PPP1R12A: variants seen among roughly 807,000 people sequenced by gnomAD.
PPP1R12A encodes the protein protein phosphatase 1 regulatory subunit 12A, also known as myosin binding subunit.
A neutral mutation model predicts 139.6 loss-of-function variants in PPP1R12A; 19 were observed. That is an observed-to-expected ratio of 0.14 (90% confidence interval 0.09 to 0.20). PPP1R12A has a LOEUF of 0.20. PPP1R12A is among the 10% of genes least tolerant of loss of function. The pLI, the probability that PPP1R12A is intolerant of heterozygous loss-of-function variation, is 1.00. For synonymous variants in PPP1R12A, 427 were observed against 420.6 expected, an observed-to-expected ratio of 1.02 and a Z score of -0.19; for missense variants, 925 against 1,211.5, an observed-to-expected ratio of 0.76 and a Z score of 3.51.
intron 2 of PPP1R12A, among the ~76,000 whole-genome samples, chr12:79,870,803 A>C (rs1188386438): frequency 6.6e-6 from 1 of 152,216 alleles, no homozygotes; most frequent in Non-Finnish European, 1.5e-5. Flanking sequence ...TACTTCTTAT[A>C]TACTAGCATG....
At chr12:79,813,945 A>G (rs998871245) in intron 9 of PPP1R12A, among the ~76,000 whole-genome samples, 16 of 152,198 alleles carry the variant, frequency 1.1e-4, no homozygotes, top group African/African-American at 3.9e-4. Flanking sequence ...GAACTTGATA[A>G]CTTTATCTAA....
intron 3 of PPP1R12A, among the ~76,000 whole-genome samples, chr12:79,835,616 C>A (rs150896631): frequency 6.6e-6 from 1 of 152,310 alleles, no homozygotes; most frequent in African/African-American, 2.4e-5. Context: ...TCTAATTCAT[C>A]CCTCAATCTA....
At chr12:79,813,889 A>G (rs918825979) in intron 9 of PPP1R12A, among the ~76,000 whole-genome samples, 2 of 152,208 alleles carry the variant, frequency 1.3e-5, no homozygotes, top group African/African-American at 4.8e-5. Flanking sequence ...TGCCATGAAC[A>G]CAAGTGCACA....
intron 2 of PPP1R12A, among the ~76,000 whole-genome samples, chr12:79,847,126 C>T (rs1879510065): frequency 6.6e-6 from 1 of 152,092 alleles, no homozygotes; most frequent in African/African-American, 2.4e-5. Context: ...ACACTATCAA[C>T]AGTAGGGCAA....
At chr12:79,925,069 A>C (rs914986255) in intron 1 of PPP1R12A, among the ~76,000 whole-genome samples, 7 of 152,128 alleles carry the variant, frequency 4.6e-5, no homozygotes, top group Admixed American at 2.6e-4. Flanking sequence ...AGAAAAAAAA[A>C]CTCTCAACAC....
intron 3 of PPP1R12A, among the ~76,000 whole-genome samples, chr12:79,836,494 T>C (rs1221529741): frequency 1.3e-5 from 2 of 152,178 alleles, no homozygotes; most frequent in Admixed American, 1.3e-4. Flanking sequence ...GCTATCTTTA[T>C]CTAATGACAA....
intron 14 of PPP1R12A, among the ~76,000 whole-genome samples, chr12:79,802,613 T>C (rs1873326283): frequency 6.6e-6 from 1 of 152,008 alleles, no homozygotes; most frequent in Non-Finnish European, 1.5e-5. Context: ...CAAGACTCCA[T>C]CTCTACAAAA....
chr12:79,889,413 G>A lies in PPP1R12A; in HGVS notation c.238-16475C>T, dbSNP rs77832343. ...GTGATAGAAAAGACAACAAAATCCA[G>A]GCTCTGAGCTGCTCCCCACTGGGTT... On this transcript the variant is annotated intron_variant, in intron 1 of 24. Transcript: ENST00000450142. Among the ~76,000 whole-genome samples, 1,299 of 152,222 alleles carry A rather than the reference G, an allele frequency of 8.5e-3. 18 individuals carry two copies. Among genetic ancestry groups the A allele is most frequent in the African/African-American group, 0.029 (1,199 of 41,526 alleles).
chr12:79,832,284 AAAG>A (rs1234320402), intron 4 of PPP1R12A, 45 bp downstream of exon 4: 1 of 1,515,210 alleles, frequency 6.6e-7, no homozygotes, highest in African/African-American at 1.4e-5. Flanking sequence ...AACAATGAAT[AAAG>A]AAGACAAACT....
chr12:79,854,923 T>G (rs1020396411), intron 2 of PPP1R12A, among the ~76,000 whole-genome samples: 2 of 152,128 alleles, frequency 1.3e-5, no homozygotes, highest in African/African-American at 4.8e-5. Flanking sequence ...TCCTCCCACC[T>G]AGGCCTCTCA....
intron 20 of PPP1R12A, chr12:79,789,796 A>T (rs1871591530): frequency 4.8e-4 from 153 of 317,566 alleles, no homozygotes; most frequent in East Asian, 1.2e-3. Context: ...TTTTTTTTTT[A>T]AAGACACAGG....
At chr12:79,891,878 C>T (rs1884677989) in intron 1 of PPP1R12A, among the ~76,000 whole-genome samples, 1 of 152,266 alleles carries the variant, frequency 6.6e-6, no homozygotes, top group East Asian at 1.9e-4. Flanking sequence ...GGAAGCAGAT[C>T]CCCACCCTAC....
At chr12:79,878,898 T>C (rs1883367523) in intron 1 of PPP1R12A, among the ~76,000 whole-genome samples, 1 of 152,016 alleles carries the variant, frequency 6.6e-6, no homozygotes, top group Non-Finnish European at 1.5e-5. Context: ...AAACATCAAC[T>C]TTACTAAAAA....
intron 2 of PPP1R12A, among the ~76,000 whole-genome samples, chr12:79,858,812 A>G (rs1185086492): frequency 6.6e-6 from 1 of 152,204 alleles, no homozygotes; most frequent in African/African-American, 2.4e-5. Flanking sequence ...CCTAGAAAAG[A>G]GTGGAGGATG....
At chr12:79,875,010 T>C (rs1028264095) in intron 1 of PPP1R12A, among the ~76,000 whole-genome samples, 9 of 152,196 alleles carry the variant, frequency 5.9e-5, no homozygotes, top group African/African-American at 2.2e-4. Context: ...AAGGCCCTCC[T>C]AGTCATCCTT....
chr12:79,789,923 G>A (rs1871613507), intron 20 of PPP1R12A, among the ~76,000 whole-genome samples: 1 of 151,810 alleles, frequency 6.6e-6, no homozygotes, highest in Non-Finnish European at 1.5e-5. Flanking sequence ...AGAAATAGAG[G>A]AGCATACAGT....
chr12:79,869,588 G>A (rs1354290822), intron 2 of PPP1R12A, among the ~76,000 whole-genome samples: 2 of 152,124 alleles, frequency 1.3e-5, no homozygotes, highest in African/African-American at 4.8e-5. Context: ...GCAACAGCAG[G>A]CAAATAAACT....
At chr12:79,878,694 C>G (rs964804028) in intron 1 of PPP1R12A, among the ~76,000 whole-genome samples, 1 of 151,984 alleles carries the variant, frequency 6.6e-6, no homozygotes, top group Non-Finnish European at 1.5e-5. Context: ...CAAGGAGAAG[C>G]GCCGAGCAAA....
intron 6 of PPP1R12A, 108 bp from the exon 7 acceptor site, chr12:79,821,274 C>A: frequency 5.7e-6 from 4 of 702,626 alleles, no homozygotes; most frequent in Admixed American, 2.9e-5. Flanking sequence ...TTAAATAAGA[C>A]AAAACAAAGA....
Sources: gnomAD v4.1 joint callset for allele counts (sites outside exome capture counted in the v4.1 genomes callset) on GRCh38, gnomAD v4.1.1 for gene constraint, MANE v1.5 for transcripts, NCBI Gene and HGNC (gene_info 2026-07-23, HGNC 2026-07-21) for gene names.